DYM: variants seen among roughly 807,000 people sequenced by gnomAD.
DYM encodes dyggve-Melchior-Clausen syndrome protein.
A neutral mutation model predicts 93.1 loss-of-function variants in DYM; 78 were observed. That is an observed-to-expected ratio of 0.84 (90% confidence interval 0.70 to 1.01). The LOEUF (loss-of-function observed/expected upper bound fraction) is 1.01, where lower values mean the gene tolerates loss of function less well. Ranked by LOEUF, DYM falls within the 50% of genes least tolerant of loss-of-function variation. DYM has a pLI of 0.00. For missense variants in DYM, 789 were observed against 845.0 expected (o/e 0.93, Z 0.82); for synonymous variants, 321 against 319.7 (o/e 1.00, Z -0.04).
chr18:49,091,940 A>G lies in DYM; in HGVS notation c.2025+5462T>C, dbSNP rs569547022. Among the ~76,000 whole-genome samples the G allele has an allele frequency of 9.3e-4, 141 of 152,140 alleles. 1 individual carries two copies. The highest frequency in any genetic ancestry group is 3.2e-3 in the African/African-American group (134 of 41,508). ...GACACATTATTTTTAAAACTCTCTG[A>G]GTTACTAAATAATACTGGATCATTA... On this transcript the variant is annotated intron_variant, in intron 17 of 17. Coordinates refer to ENST00000675505, the MANE Select transcript of DYM (RefSeq NM_001353214.3).
At chr18:49,309,986 T>C (rs2061493759) in intron 8 of DYM, among the ~76,000 whole-genome samples, 1 of 152,164 alleles carries the variant, frequency 6.6e-6, no homozygotes, top group South Asian at 2.1e-4. Flanking sequence ...GCCATCCCTG[T>C]GTTAAGGTAA....
chr18:49,363,098 G>T (rs2066178967), intron 6 of DYM, 63 bp downstream of exon 6: 2 of 1,340,252 alleles, frequency 1.5e-6, no homozygotes, highest in Admixed American at 1.7e-5. Flanking sequence ...TTCTCAACAT[G>T]ATCAATGATT....
chr18:49,270,400 T>C (rs1293340767), intron 11 of DYM, among the ~76,000 whole-genome samples: 1 of 152,128 alleles, frequency 6.6e-6, no homozygotes, highest in African/African-American at 2.4e-5. Context: ...AATACACAGA[T>C]AGAGGATATT....
chr18:49,299,299 C>T (rs1219033915), intron 8 of DYM, among the ~76,000 whole-genome samples: 1 of 152,170 alleles, frequency 6.6e-6, no homozygotes, highest in African/African-American at 2.4e-5. Context: ...AAAAGTAAGT[C>T]ATTCTAAAGT....
intron 15 of DYM, among the ~76,000 whole-genome samples, chr18:49,156,490 A>G (rs2086453413): frequency 6.6e-6 from 1 of 151,900 alleles, no homozygotes; most frequent in Non-Finnish European, 1.5e-5. Context: ...CCAGCACTTC[A>G]GGGGTTTGAG....
intron 17 of DYM, among the ~76,000 whole-genome samples, chr18:49,058,759 G>C (rs893916475): frequency 6.6e-6 from 1 of 152,108 alleles, no homozygotes. Flanking sequence ...CATTTTAAAG[G>C]ATCTTTCAAA....
intron 13 of DYM, among the ~76,000 whole-genome samples, chr18:49,242,632 T>C (rs1352622832): frequency 6.6e-6 from 1 of 152,196 alleles, no homozygotes; most frequent in Non-Finnish European, 1.5e-5. Flanking sequence ...AAGTTTTGCG[T>C]CTTCTGTAGG....
intron 17 of DYM, among the ~76,000 whole-genome samples, chr18:49,085,942 T>C (rs1256493908): frequency 1.3e-5 from 2 of 152,164 alleles, no homozygotes; most frequent in African/African-American, 4.8e-5. Flanking sequence ...GTTATCTTTT[T>C]AGGAAATTTT....
At chr18:49,283,901 C>G (rs564062205) in intron 9 of DYM, among the ~76,000 whole-genome samples, 2 of 152,318 alleles carry the variant, frequency 1.3e-5, no homozygotes, top group African/African-American at 4.8e-5. Context: ...ACTTTTCCTT[C>G]CACATTTGAA....
chr18:49,219,229 A>G (rs2093230725), intron 13 of DYM, among the ~76,000 whole-genome samples: 1 of 152,218 alleles, frequency 6.6e-6, no homozygotes. Context: ...CTCTGAATAG[A>G]CCAATAACAG....
At chr18:49,436,931 G>GT (rs1339739688) in intron 1 of DYM, among the ~76,000 whole-genome samples, 1 of 152,134 alleles carries the variant, frequency 6.6e-6, no homozygotes, top group African/African-American at 2.4e-5. Context: ...TACTCTAGGA[G>GT]TTTAAGTACA....
chr18:49,410,846 A>T (rs2072163598), intron 2 of DYM, among the ~76,000 whole-genome samples: 1 of 152,172 alleles, frequency 6.6e-6, no homozygotes. Flanking sequence ...CTTTAAAGAA[A>T]TCATTTTGAC....
intron 14 of DYM, among the ~76,000 whole-genome samples, chr18:49,186,241 C>A (rs1485243948): frequency 6.6e-6 from 1 of 152,162 alleles, no homozygotes; most frequent in South Asian, 2.1e-4. Flanking sequence ...ATGAAACTTA[C>A]TGAACTGCTA....
chr18:49,368,283 A>G lies in DYM; in HGVS notation c.422-5050T>C, dbSNP rs554227325. Among the ~76,000 whole-genome samples, 6 of 152,364 alleles carry G rather than the reference A, an allele frequency of 3.9e-5. No individual in the cohort carries two copies. The South Asian group carries it at 1.2e-3, about 32-fold the overall frequency. ...TTTAATTGATTTTGTTCCACTGATA[A>G]CATAAGGGAAAGAAAGGGAGAGAAG... On this transcript the variant is annotated intron_variant, in intron 5 of 17. Transcript: ENST00000675505.
intron 11 of DYM, among the ~76,000 whole-genome samples, chr18:49,270,211 T>A (rs145458794): frequency 6.6e-6 from 1 of 152,162 alleles, no homozygotes; most frequent in Middle Eastern, 3.2e-3. Flanking sequence ...TGCTTCCCAA[T>A]TGTTAAGTAG....
At chr18:49,104,595 T>G (rs1024417341) in intron 16 of DYM, among the ~76,000 whole-genome samples, 2 of 152,014 alleles carry the variant, frequency 1.3e-5, no homozygotes, top group Non-Finnish European at 2.9e-5. Context: ...CCATCAATAC[T>G]GAATTTATTG....
chr18:49,342,462 T>C (rs2064241030), intron 6 of DYM, among the ~76,000 whole-genome samples: 1 of 152,196 alleles, frequency 6.6e-6, no homozygotes, highest in African/African-American at 2.4e-5. Flanking sequence ...ATGTACATCT[T>C]TGGGGTTTGG....
At chr18:49,075,545 T>C (rs1195253287) in intron 17 of DYM, among the ~76,000 whole-genome samples, 1 of 151,958 alleles carries the variant, frequency 6.6e-6, no homozygotes, top group Admixed American at 6.5e-5. Flanking sequence ...AAACAGGGAA[T>C]CGATGGCAGA....
rs1208213335 is a variant in DYM at position 49,292,308 on chromosome 18, ACAGACAGG to A, written c.764-5700_764-5693del. On this transcript the variant is annotated intron_variant, in intron 8 of 17. Transcript: ENST00000675505. ...TGAATCCACCAACACAGACAGACAG[ACAGACAGG>A]CAGGCAGGCAGGCAGGCAGGCAGAC... 5.8e-3 allele frequency among the ~76,000 whole-genome samples: 553 copies of A among 95,832 alleles called. 4 individuals are homozygous for A. The highest frequency in any genetic ancestry group is 0.043 in the South Asian group (104 of 2,392). The allele number at this position is 95,832 out of a possible 152,430, so 62.9% of individuals were successfully genotyped here.
Sources: allele counts gnomAD v4.1 joint callset (sites outside exome capture counted in the v4.1 genomes callset), GRCh38; gene constraint gnomAD v4.1.1; transcripts MANE v1.5; gene names NCBI Gene and HGNC (gene_info 2026-07-23, HGNC 2026-07-21).